Variants in EDIL3 observed in about 807,000 individuals in gnomAD.
EDIL3 encodes EGF-like repeat and discoidin I-like domain-containing protein 3.
Under a neutral mutation model 67.4 loss-of-function variants are expected in EDIL3, and 37 were observed. That is an observed-to-expected ratio of 0.55 (90% CI 0.42 to 0.72). EDIL3 has a LOEUF of 0.72. Ranked by LOEUF, EDIL3 falls within the 30% of genes least tolerant of loss-of-function variation. EDIL3 has a pLI of 0.00. For synonymous variants in EDIL3, 195 were observed against 196.3 expected (o/e 0.99, Z 0.05); for missense variants, 527 against 586.3 (o/e 0.90, Z 1.04).
At chr5:84,355,566 T>C (rs1747463616) in intron 1 of EDIL3, among the ~76,000 whole-genome samples, 1 of 152,126 alleles carries the variant, frequency 6.6e-6, no homozygotes, top group African/African-American at 2.4e-5. Context: ...TGCTGGAGTT[T>C]GCTGGAGGTC....
chr5:84,254,890 A>C (rs1394675318), intron 1 of EDIL3, among the ~76,000 whole-genome samples: 2 of 152,200 alleles, frequency 1.3e-5, no homozygotes, highest in Non-Finnish European at 2.9e-5. Flanking sequence ...GGTGGCAGAT[A>C]GTATCTGGAA....
chr5:84,303,849 TTTGTG>T (rs1561251141), intron 1 of EDIL3, among the ~76,000 whole-genome samples: 1,557 of 138,726 alleles, frequency 0.011, 20 homozygotes, highest in African/African-American at 0.04. Context: ...TGTGTGTGTG[TTTGTG>T]TGTGTGTGTG....
chr5:84,156,249 C>G (rs753751813), intron 4 of EDIL3, among the ~76,000 whole-genome samples: 3 of 152,146 alleles, frequency 2.0e-5, no homozygotes, highest in East Asian at 1.9e-4. Context: ...GGAGGGCAAC[C>G]AGGACAGCTG....
intron 3 of EDIL3, among the ~76,000 whole-genome samples, chr5:84,217,585 C>T (rs1744253329): frequency 6.6e-6 from 1 of 152,068 alleles, no homozygotes; most frequent in African/African-American, 2.4e-5. Context: ...AGAGGAGCCT[C>T]AAGAGTCTAA....
intron 1 of EDIL3, among the ~76,000 whole-genome samples, chr5:84,323,164 TG>T (rs1266092885): frequency 6.6e-6 from 1 of 152,076 alleles, no homozygotes; most frequent in East Asian, 1.9e-4. Context: ...AACTTTGGTT[TG>T]TAACTCAGCA....
At chr5:84,053,885 A>G in intron 9 of EDIL3, among the ~76,000 whole-genome samples, 1 of 152,218 alleles carries the variant, frequency 6.6e-6, no homozygotes, top group Non-Finnish European at 1.5e-5. Context: ...AGGTACAAGG[A>G]GGAGATGGTA....
At chr5:84,346,581 T>A (rs1235227158) in intron 1 of EDIL3, among the ~76,000 whole-genome samples, 1 of 152,204 alleles carries the variant, frequency 6.6e-6, no homozygotes, top group Non-Finnish European at 1.5e-5. Flanking sequence ...TTTGCCTGCT[T>A]GACTTTCATT....
chr5:84,156,411 C>T (rs1274747310), intron 4 of EDIL3, among the ~76,000 whole-genome samples: 2 of 152,160 alleles, frequency 1.3e-5, no homozygotes, highest in East Asian at 1.9e-4. Flanking sequence ...GGCTCAAGGA[C>T]TCCTTCTTTA....
intron 4 of EDIL3, among the ~76,000 whole-genome samples, chr5:84,146,777 A>G (rs891635801): frequency 6.6e-6 from 1 of 152,108 alleles, no homozygotes; most frequent in African/African-American, 2.4e-5. Context: ...TTTGTTACAC[A>G]ATTTCCTTTT....
intron 9 of EDIL3, among the ~76,000 whole-genome samples, chr5:84,014,054 A>T (rs775185903): frequency 6.6e-6 from 1 of 152,190 alleles, no homozygotes; most frequent in South Asian, 2.1e-4. Context: ...CAATTGGACC[A>T]GTTCTATAAA....
chr5:84,375,315 T>C (rs1747946221), intron 1 of EDIL3, among the ~76,000 whole-genome samples: 2 of 152,184 alleles, frequency 1.3e-5, no homozygotes, highest in African/African-American at 2.4e-5. Flanking sequence ...TAATACAGCA[T>C]AATTCTCATT....
chr5:84,140,241 T>C (rs2112319117), intron 4 of EDIL3, among the ~76,000 whole-genome samples: 1 of 152,300 alleles, frequency 6.6e-6, no homozygotes, highest in African/African-American at 2.4e-5. Context: ...AGGCTCTATA[T>C]ATTTTCTCAT....
chr5:84,002,440 A>T (rs1275180187), intron 9 of EDIL3, among the ~76,000 whole-genome samples: 1 of 152,182 alleles, frequency 6.6e-6, no homozygotes, highest in African/African-American at 2.4e-5. Flanking sequence ...CTAGCTAGAG[A>T]AGCTAGCCAA....
rs1027637848 is a variant in EDIL3, at chr5:84,090,365, T to G, written c.651+16284A>C. Among the ~76,000 whole-genome samples, 3 of 152,186 alleles carry G rather than the reference T, an allele frequency of 2.0e-5. No individual in the cohort carries two copies. In the East Asian group the frequency reaches 5.8e-4, roughly 29 times the overall value. On this transcript the variant is annotated intron_variant, in intron 6 of 10. Transcript: ENST00000296591. Reference sequence around the variant, plus strand: ...CAGCATTTTGACTTATTTAATGAAGTTGTTTCTAATAATAAAAGGACACAT... The same window carrying G: ...CAGCATTTTGACTTATTTAATGAAGGTGTTTCTAATAATAAAAGGACACAT...
intron 4 of EDIL3, among the ~76,000 whole-genome samples, chr5:84,141,927 A>ATG (rs1491335261): frequency 1.7e-5 from 1 of 57,380 alleles, no homozygotes; most frequent in Non-Finnish European, 3.2e-5. Flanking sequence ...ATATATACAC[A>ATG]TATATATATA....
chr5:84,094,595 T>A (rs1747228672), intron 6 of EDIL3, among the ~76,000 whole-genome samples: 1 of 152,100 alleles, frequency 6.6e-6, no homozygotes, highest in Admixed American at 6.5e-5. Context: ...TCTATAAATA[T>A]CAAAAACGTT....
chr5:84,238,268 C>G (rs899733461), intron 2 of EDIL3, among the ~76,000 whole-genome samples: 2 of 151,846 alleles, frequency 1.3e-5, no homozygotes, highest in Non-Finnish European at 1.5e-5. Flanking sequence ...AATATCATTG[C>G]CTTTTCATTG....
intron 5 of EDIL3, among the ~76,000 whole-genome samples, chr5:84,115,371 A>G (rs1286972736): frequency 1.3e-5 from 2 of 152,294 alleles, no homozygotes; most frequent in Non-Finnish European, 2.9e-5. Context: ...GTTTAAATTA[A>G]TTGTTTTCAA....
chr5:84,274,276 A>AT (rs995264022), intron 1 of EDIL3, among the ~76,000 whole-genome samples: 52 of 151,918 alleles, frequency 3.4e-4, no homozygotes, highest in African/African-American at 1.2e-3. Flanking sequence ...TAATTTTTAA[A>AT]TTTTTTGTAA....
Sources: gnomAD v4.1 joint callset for allele counts (sites outside exome capture counted in the v4.1 genomes callset) on GRCh38, gnomAD v4.1.1 for gene constraint, MANE v1.5 for transcripts, NCBI Gene and HGNC (gene_info 2026-07-23, HGNC 2026-07-21) for gene names.